UGGT1: variants seen among roughly 807,000 people sequenced by gnomAD.
UGGT1 encodes the protein UDP-glucose glycoprotein glucosyltransferase 1, also known as UDP-glucose:glycoprotein glucosyltransferase 1.
In UGGT1, 107 loss-of-function variants were observed where a neutral mutation model predicts 203.9. The ratio of observed to expected loss-of-function variants is 0.52; its 90% CI spans 0.45 to 0.62. The LOEUF (loss-of-function observed/expected upper bound fraction) is 0.62, where lower values mean the gene tolerates loss of function less well. Ranked by LOEUF, UGGT1 falls within the 20% of genes least tolerant of loss-of-function variation. The probability of loss-of-function intolerance (pLI) is 0.00; values close to 1 mark genes in which losing one functional copy is unlikely to be tolerated. For missense variants in UGGT1, 1,673 were observed against 1,867.2 expected, an observed-to-expected ratio of 0.90 and a Z score of 1.92; for synonymous variants, 628 against 653.5, an observed-to-expected ratio of 0.96 and a Z score of 0.59.
chr2:128,138,768 A>G lies in UGGT1; in HGVS notation c.1635A>G (p.Gln545=). The change falls in exon 16 of 41, where the codon CAA becomes CAG. Residue 545 remains glutamine (Q), a synonymous_variant. Coordinates refer to ENST00000259253, the MANE Select transcript of UGGT1 (RefSeq NM_020120.4). ...VNDSEDVDGM[Q]DAGVAVLRAY... is the part of the protein sequence containing the mutation. ...ACTCTGAAGATGTTGATGGGATGCA[A>G]GATGCTGGAGTGGCTGTTCTTAGAG... is the stretch of plus-strand genomic sequence containing the variant. 3 of 1,614,156 alleles carry G rather than the reference A, an allele frequency of 1.9e-6. No individual in the cohort carries two copies. The highest frequency in any genetic ancestry group is 2.5e-6 in the Non-Finnish European group (3 of 1,180,018).
intron 15 of UGGT1, among the ~76,000 whole-genome samples, chr2:128,136,697 C>G (rs1300251808): frequency 6.6e-6 from 1 of 152,212 alleles, no homozygotes; most frequent in East Asian, 1.9e-4. Flanking sequence ...TTTGTGTGGA[C>G]ATGTCTACAG....
rs77897687 is a variant in UGGT1, at chr2:128,111,362, A to G, written c.521+1616A>G. ...AGAGTGAGACCCTGACTCCAAAACAAAAACAGAAACAAAAACGTCCATTAG... is the reference window on the plus strand; with the variant it reads ...AGAGTGAGACCCTGACTCCAAAACAGAAACAGAAACAAAAACGTCCATTAG... On this transcript the variant is annotated intron_variant, in intron 5 of 40. Coordinates refer to ENST00000259253, the MANE Select transcript of UGGT1 (RefSeq NM_020120.4). 5.1e-3 allele frequency among the ~76,000 whole-genome samples: 776 copies of G among 152,328 alleles called. 10 individuals carry two copies. Among genetic ancestry groups the G allele is most frequent in the African/African-American group, 0.016 (685 of 41,574 alleles).
At position 128,176,916 on chromosome 2, in the gene UGGT1, AGTGGC is replaced by A; in HGVS notation, c.3624+19_3624+23del. 6.2e-7 allele frequency: 1 copy of A among 1,607,220 alleles called. No homozygotes were observed. The highest frequency in any genetic ancestry group is 8.5e-7 in the Non-Finnish European group (1 of 1,173,900). ...AAGTGAAGGTGAGTTTGGTAAAAGTAGTGGCATTCTGTTATTGGACAGCTGTCATT... is the reference window on the plus strand; with the variant it reads ...AAGTGAAGGTGAGTTTGGTAAAAGTAATTCTGTTATTGGACAGCTGTCATT... On this transcript the variant is annotated intron_variant, in intron 32 of 40. Coordinates refer to ENST00000259253, the MANE Select transcript of UGGT1 (RefSeq NM_020120.4).
At chr2:128,170,424 T>G (rs1204422594) in intron 27 of UGGT1, 34 bp downstream of exon 27, 2 of 1,575,026 alleles carry the variant, frequency 1.3e-6, no homozygotes, top group Non-Finnish European at 1.7e-6. Flanking sequence ...TACATCACCT[T>G]TGTTTGAAGT....
At chr2:128,097,856 T>G (rs980099249) in intron 2 of UGGT1, among the ~76,000 whole-genome samples, 2 of 152,140 alleles carry the variant, frequency 1.3e-5, no homozygotes, top group African/African-American at 4.8e-5. Flanking sequence ...GAGAGGGTTA[T>G]GTTTATTTAT....
At chr2:128,167,817 C>T (rs1326004078) in intron 26 of UGGT1, among the ~76,000 whole-genome samples, 2 of 151,636 alleles carry the variant, frequency 1.3e-5, no homozygotes, top group Non-Finnish European at 2.9e-5. Context: ...TTTTCTTGTT[C>T]TAGAGATGTG....
intron 2 of UGGT1, among the ~76,000 whole-genome samples, chr2:128,097,826 C>CA (rs1219536967): frequency 6.6e-6 from 1 of 152,098 alleles, no homozygotes; most frequent in Non-Finnish European, 1.5e-5. Flanking sequence ...TGTTACTTTC[C>CA]AAAAAGCATA....
intron 36 of UGGT1, 68 bp downstream of exon 36, chr2:128,181,140 T>G: frequency 6.9e-7 from 1 of 1,444,434 alleles, no homozygotes; most frequent in African/African-American, 1.4e-5. Context: ...TTTTAAATGC[T>G]ATTTTTTCCA....
At chr2:128,133,405 G>A in intron 14 of UGGT1, 145 bp downstream of exon 14, 1 of 1,163,332 alleles carries the variant, frequency 8.6e-7, no homozygotes, top group Non-Finnish European at 1.2e-6. Context: ...TGTTCACACT[G>A]GAAAGGCTTT....
chr2:128,178,272 G>A (rs1034456890), intron 33 of UGGT1, among the ~76,000 whole-genome samples, 196 bp from the exon 34 acceptor site: 1 of 152,164 alleles, frequency 6.6e-6, no homozygotes, highest in Non-Finnish European at 1.5e-5. Context: ...CTGTCGGAGA[G>A]TGAACATTCT....
In UGGT1 at chr2:128,115,152, C is replaced by G. The variant is rs761159782; in HGVS notation, c.725C>G (p.Ser242Cys). The G allele has an allele frequency of 6.8e-6, 11 of 1,613,916 alleles. No homozygotes were observed. The highest frequency in any genetic ancestry group is 9.3e-6 in the Non-Finnish European group (11 of 1,179,980). ...CCCAGGAAGGAGCCTGTTTACCTCT[C>G]TGGCTATGGCGTGGAATTGGCCATT... ...FNPRKEPVYL[S>C]GYGVELAIKS... The change falls in exon 7 of 41, where the codon TCT (serine) becomes TGT (cysteine). Residue 242 changes from serine (S) to cysteine (C), a missense_variant. Around this residue, in one of 4 missense-constraint regions of UGGT1, gnomAD observed 1,073 missense variants for 1,078.7 expected, o/e 0.99. Coordinates refer to ENST00000259253, the MANE Select transcript of UGGT1 (RefSeq NM_020120.4).
At chr2:128,176,361 G>A (rs1194250282) in intron 31 of UGGT1, among the ~76,000 whole-genome samples, 3 of 142,270 alleles carry the variant, frequency 2.1e-5, no homozygotes, top group South Asian at 4.4e-4. Flanking sequence ...GCATTGAGCC[G>A]AGATTGCTCT....
chr2:128,124,576 T>G (rs1363117972), intron 11 of UGGT1, among the ~76,000 whole-genome samples: 1 of 152,038 alleles, frequency 6.6e-6, no homozygotes, highest in African/African-American at 2.4e-5. Flanking sequence ...TTCTCTCTGG[T>G]TTCTCTTTCC....
At chr2:128,120,074 G>T (rs1489189194) in intron 8 of UGGT1, among the ~76,000 whole-genome samples, 1 of 151,916 alleles carries the variant, frequency 6.6e-6, no homozygotes, top group African/African-American at 2.4e-5. Context: ...ACCACACCTG[G>T]CCTGAAAAGT....
chr2:128,168,682 C>T (rs1690920150), intron 26 of UGGT1, among the ~76,000 whole-genome samples: 1 of 152,204 alleles, frequency 6.6e-6, no homozygotes, highest in Non-Finnish European at 1.5e-5. Flanking sequence ...GAGGTTCCTG[C>T]TCCTTTTAAG....
rs770368129 is a variant in UGGT1, at chr2:128,159,500, C to A, written c.2356-14C>A. On this transcript the variant is annotated splice_polypyrimidine_tract_variant and intron_variant, in intron 22 of 40. Coordinates refer to ENST00000259253, the MANE Select transcript of UGGT1 (RefSeq NM_020120.4). ...TATCTACAATATGACTCCCGTTTCC[C>A]ATTTTGTGAACAGAAATCCAGTAAC... 5.0e-6 allele frequency: 8 copies of A among 1,612,482 alleles called. No individual in the cohort carries two copies. In the East Asian group the frequency reaches 1.6e-4, roughly 31 times the overall value.
intron 3 of UGGT1, among the ~76,000 whole-genome samples, chr2:128,107,041 G>A (rs1380176179): frequency 6.6e-6 from 1 of 152,144 alleles, no homozygotes; most frequent in Non-Finnish European, 1.5e-5. Context: ...AGTCAAAGCT[G>A]TATAAAAGGT....
chr2:128,107,895 CTAGTCATACGCAATTACTTTGGT>C lies in UGGT1; in HGVS notation c.278-40_278-18del. On this transcript the variant is annotated intron_variant, in intron 3 of 40. Coordinates refer to ENST00000259253, the MANE Select transcript of UGGT1 (RefSeq NM_020120.4). ...CATGAACTATCTTCTTTAGATATCT[CTAGTCATACGCAATTACTTTGGT>C]TAATGTTCTTCCTTGACAGGTACCG... is the stretch of plus-strand genomic sequence containing the variant. 1 of 1,612,242 alleles carries C rather than the reference CTAGTCATACGCAATTACTTTGGT, an allele frequency of 6.2e-7. No individual in the cohort carries two copies. Among genetic ancestry groups the C allele is most frequent in the East Asian group, 2.2e-5 (1 of 44,850 alleles).
At chr2:128,163,713 C>CA (rs35601849) in intron 25 of UGGT1, among the ~76,000 whole-genome samples, 63,551 of 138,920 alleles carry the variant, frequency 0.46, 13,653 homozygotes, top group South Asian at 0.59. Context: ...GACTCCGTCT[C>CA]AAAAAAAAAA....
Sources: allele counts gnomAD v4.1 joint callset (sites outside exome capture counted in the v4.1 genomes callset), GRCh38; gene constraint gnomAD v4.1.1; regional missense constraint gnomAD v4.1.1; transcripts MANE v1.5; gene names NCBI Gene and HGNC (gene_info 2026-07-23, HGNC 2026-07-21).